CDH12: variants seen among roughly 807,000 people sequenced by gnomAD.
CDH12 encodes cadherin 12, also known as cadherin-12.
In CDH12, 41 loss-of-function variants were observed where a neutral mutation model predicts 74.1. That is an observed-to-expected ratio of 0.55 (90% CI 0.43 to 0.72). The LOEUF is 0.72. Ranked by LOEUF, CDH12 falls within the 30% of genes least tolerant of loss-of-function variation. The probability of loss-of-function intolerance (pLI) is 0.00; values close to 1 mark genes in which losing one functional copy is unlikely to be tolerated. For missense variants in CDH12, 945 were observed against 977.2 expected (o/e 0.97, Z 0.44); for synonymous variants, 399 against 355.0 (o/e 1.12, Z -1.39).
At chr5:22,041,234 T>C (rs1176475911) in intron 5 of CDH12, among the ~76,000 whole-genome samples, 1 of 151,028 alleles carries the variant, frequency 6.6e-6, no homozygotes, top group Non-Finnish European at 1.5e-5. Flanking sequence ...CTAAAGAAAA[T>C]TACAAAAATA....
intron 3 of CDH12, among the ~76,000 whole-genome samples, chr5:22,352,759 C>T (rs919263337): frequency 1.3e-5 from 2 of 152,192 alleles, no homozygotes; most frequent in Admixed American, 6.5e-5. Context: ...CAGAACAATG[C>T]GAAACCCTCT....
intron 11 of CDH12, among the ~76,000 whole-genome samples, chr5:21,775,619 A>T (rs1302608133): frequency 6.6e-6 from 1 of 152,056 alleles, no homozygotes; most frequent in East Asian, 1.9e-4. Context: ...TCAACCTAGA[A>T]TGGCATCCTT....
intron 1 of CDH12, among the ~76,000 whole-genome samples, chr5:22,533,908 T>C (rs1330691918): frequency 6.6e-6 from 1 of 152,216 alleles, no homozygotes; most frequent in Non-Finnish European, 1.5e-5. Flanking sequence ...ATGTTTGAAG[T>C]TGTAGAAGTT....
intron 4 of CDH12, among the ~76,000 whole-genome samples, chr5:22,113,367 T>A (rs116432273): frequency 6.6e-6 from 1 of 152,138 alleles, no homozygotes; most frequent in Admixed American, 6.6e-5. Flanking sequence ...TCAACACTTG[T>A]CACCTATTGT....
intron 2 of CDH12, among the ~76,000 whole-genome samples, chr5:22,442,020 A>G (rs539796537): frequency 8.3e-4 from 127 of 152,246 alleles, no homozygotes; most frequent in African/African-American, 2.9e-3. Flanking sequence ...TTTGTATTCA[A>G]TGTAACCCAG....
At chr5:22,192,866 T>A (rs1429877915) in intron 4 of CDH12, among the ~76,000 whole-genome samples, 1 of 152,150 alleles carries the variant, frequency 6.6e-6, no homozygotes, top group Admixed American at 6.5e-5. Context: ...GCCAGAATAT[T>A]GAAGAGGAGG....
In CDH12 at chr5:21,842,376, G is replaced by T. The variant is rs202018135; in HGVS notation, c.647-48C>A. 5 of 1,303,766 alleles carry T rather than the reference G, an allele frequency of 3.8e-6. No homozygotes were observed. The South Asian group carries it at 5.7e-5, about 15-fold the overall frequency. The allele number at this position is 1,303,766 out of a possible 1,614,324, so 80.8% of individuals were successfully genotyped here. A position where few individuals can be genotyped will look rare whatever the true frequency, so the allele number is the denominator to read the frequency against. On this transcript the variant is annotated intron_variant, in intron 7 of 14. Coordinates refer to ENST00000382254, the MANE Select transcript of CDH12 (RefSeq NM_004061.5). ...GTAAAATAAATATCACAAATGCTCT[G>T]TTTTCTGAAATAAAATAAAATGCAA...
chr5:22,658,320 T>C (rs558075346), intron 1 of CDH12, among the ~76,000 whole-genome samples: 3 of 152,250 alleles, frequency 2.0e-5, no homozygotes, highest in South Asian at 2.1e-4. Flanking sequence ...GTAAATTAGG[T>C]GTTTTGAACG....
chr5:22,538,741 C>T (rs1159894342), intron 1 of CDH12, among the ~76,000 whole-genome samples: 3 of 152,156 alleles, frequency 2.0e-5, no homozygotes, highest in Non-Finnish European at 4.4e-5. Context: ...ACACAACACT[C>T]ATGCTCAATT....
At chr5:21,869,163 T>C (rs1193318436) in intron 6 of CDH12, among the ~76,000 whole-genome samples, 1 of 152,148 alleles carries the variant, frequency 6.6e-6, no homozygotes, top group Non-Finnish European at 1.5e-5. Context: ...TGATCTAGAA[T>C]AGTGAGGTGA....
intron 1 of CDH12, among the ~76,000 whole-genome samples, chr5:22,554,483 C>T (rs115727422): frequency 5.0e-4 from 76 of 152,130 alleles, no homozygotes; most frequent in African/African-American, 1.8e-3. Flanking sequence ...AAAATAAAGT[C>T]TATTTCTATA....
chr5:22,312,486 T>C (rs972540070), intron 3 of CDH12, among the ~76,000 whole-genome samples: 2 of 152,202 alleles, frequency 1.3e-5, no homozygotes, highest in African/African-American at 4.8e-5. Context: ...TTTTATTTGT[T>C]TTCTTGTCAC....
chr5:22,435,734 A>G (rs966927685), intron 2 of CDH12, among the ~76,000 whole-genome samples: 1 of 152,008 alleles, frequency 6.6e-6, no homozygotes, highest in African/African-American at 2.4e-5. Flanking sequence ...TGACTTTCCT[A>G]AACTGCTCCT....
At chr5:22,603,476 C>T (rs372042604) in intron 1 of CDH12, among the ~76,000 whole-genome samples, 4 of 152,164 alleles carry the variant, frequency 2.6e-5, no homozygotes, top group South Asian at 4.1e-4. Context: ...TGTACACACA[C>T]GTAGCTGAAG....
chr5:22,688,737 A>G lies in CDH12; in HGVS notation c.-523+164321T>C, dbSNP rs148209338. On this transcript the variant is annotated intron_variant, in intron 1 of 14. Coordinates refer to ENST00000382254, the MANE Select transcript of CDH12 (RefSeq NM_004061.5). Reference sequence around the variant, plus strand: ...AATAGGATGTTGTATAACTTTATATAAAGCTACAAAAAATAAACACAAATA... The same window carrying G: ...AATAGGATGTTGTATAACTTTATATGAAGCTACAAAAAATAAACACAAATA... 6.4e-4 allele frequency among the ~76,000 whole-genome samples: 97 copies of G among 151,458 alleles called. 1 individual carries two copies. In the East Asian group the frequency reaches 0.018, roughly 28 times the overall value.
chr5:21,857,058 G>T (rs897853371), intron 6 of CDH12, among the ~76,000 whole-genome samples: 3 of 151,768 alleles, frequency 2.0e-5, no homozygotes, highest in Non-Finnish European at 2.9e-5. Flanking sequence ...AAAAGACAGA[G>T]ATTTCATACT....
In CDH12 at chr5:22,575,736, C is replaced by T. The variant is rs269873; in HGVS notation, c.-522-70372G>A. On this transcript the variant is annotated intron_variant, in intron 1 of 14. Transcript: ENST00000382254. Reference sequence around the variant, plus strand: ...TGTGCCACCACTCCTTTCTAATTTTCGTATTTTTAGTAGAGACAGGGTTTC... The same window carrying T: ...TGTGCCACCACTCCTTTCTAATTTTTGTATTTTTAGTAGAGACAGGGTTTC... Among the ~76,000 whole-genome samples, 1,071 of 151,744 alleles carry T rather than the reference C, an allele frequency of 7.1e-3. 22 individuals carry two copies. Among genetic ancestry groups the T allele is most frequent in the African/African-American group, 0.025 (1,034 of 41,432 alleles).
chr5:22,244,787 A>AGAAAGAAG (rs1554023740), intron 3 of CDH12, among the ~76,000 whole-genome samples: 18 of 130,002 alleles, frequency 1.4e-4, no homozygotes, highest in African/African-American at 5.0e-4. Context: ...AAAGAAAGAA[A>AGAAAGAAG]GAAAGAAAGA....
At chr5:22,315,948 A>G (rs1738615787) in intron 3 of CDH12, among the ~76,000 whole-genome samples, 1 of 152,028 alleles carries the variant, frequency 6.6e-6, no homozygotes, top group Non-Finnish European at 1.5e-5. Flanking sequence ...TTACTCTATA[A>G]TGTCAGGGTT....
Sources: allele counts gnomAD v4.1 joint callset (sites outside exome capture counted in the v4.1 genomes callset), GRCh38; gene constraint gnomAD v4.1.1; transcripts MANE v1.5; gene names NCBI Gene and HGNC (gene_info 2026-07-23, HGNC 2026-07-21).